Variants in IL1RAPL1 observed in about 807,000 individuals in gnomAD.
IL1RAPL1 encodes the protein interleukin-1 receptor accessory protein-like 1.
A neutral mutation model predicts 48.4 loss-of-function variants in IL1RAPL1; 3 were observed. That is an observed-to-expected ratio of 0.06 (90% CI 0.03 to 0.16). IL1RAPL1 has a LOEUF of 0.16. Ranked by LOEUF, IL1RAPL1 falls within the 10% of genes least tolerant of loss-of-function variation. The pLI is 1.00. For missense variants in IL1RAPL1, 349 were observed against 530.6 expected (o/e 0.66, Z 3.36); for synonymous variants, 185 against 187.7 (o/e 0.99, Z 0.12).
At chrX:28,608,501 A>G (rs935644225) in intron 1 of IL1RAPL1, among the ~76,000 whole-genome samples, 3 of 111,951 alleles carry the variant, frequency 2.7e-5, no homozygotes, top group African/African-American at 9.7e-5. Context: ...TTTCTTTTCT[A>G]TACTGAAGAA....
intron 2 of IL1RAPL1, among the ~76,000 whole-genome samples, chrX:28,896,808 T>C (rs1308664339): frequency 1.8e-5 from 2 of 109,654 alleles, no homozygotes; most frequent in African/African-American, 3.3e-5. Context: ...ACGAGTTGCA[T>C]TGGGAACAAA....
intron 5 of IL1RAPL1, among the ~76,000 whole-genome samples, chrX:29,577,536 C>G (rs546048481): frequency 4.5e-5 from 5 of 111,792 alleles, no homozygotes; most frequent in Admixed American, 9.6e-5. Flanking sequence ...TCTGAGCTTG[C>G]TATCCTGCGG....
chrX:29,449,772 C>G (rs868807950), intron 5 of IL1RAPL1, among the ~76,000 whole-genome samples: 72 of 74,303 alleles, frequency 9.7e-4, no homozygotes, highest in African/African-American at 4.9e-3. Flanking sequence ...CACACACACA[C>G]ACACACACAG....
At chrX:29,483,691 AG>A (rs767698887) in intron 5 of IL1RAPL1, among the ~76,000 whole-genome samples, 3 of 79,834 alleles carry the variant, frequency 3.8e-5, no homozygotes, top group Non-Finnish European at 5.3e-5. Context: ...CAGTAGTAGT[AG>A]TTTTTTTTTT....
chrX:29,350,195 A>T (rs867012056), intron 3 of IL1RAPL1, among the ~76,000 whole-genome samples: 1 of 67,372 alleles, frequency 1.5e-5, no homozygotes. Flanking sequence ...GTTATTTTAT[A>T]TATATATATA....
In IL1RAPL1 at chrX:29,110,685, T is replaced by G. The variant is rs572148988; in HGVS notation, c.83-172253T>G. Among the ~76,000 whole-genome samples the G allele has an allele frequency of 1.1e-4, 12 of 111,969 alleles. No homozygotes were observed. The South Asian group carries it at 4.4e-3, about 41-fold the overall frequency. On this transcript the variant is annotated intron_variant, in intron 2 of 10. Coordinates refer to ENST00000378993, the MANE Select transcript of IL1RAPL1 (RefSeq NM_014271.4). ...TTTCCGGGGGTGATTTAACAAACAG[T>G]TCTAATTTTTTGAGTGCTGCCGAAT... is the stretch of plus-strand genomic sequence containing the variant.
intron 2 of IL1RAPL1, among the ~76,000 whole-genome samples, chrX:28,922,677 C>T (rs1266712364): frequency 9.0e-6 from 1 of 111,520 alleles, no homozygotes; most frequent in South Asian, 3.7e-4. Flanking sequence ...CACTGTCAAG[C>T]GAATCAGTTC....
At chrX:28,843,414 G>C (rs1218388093) in intron 2 of IL1RAPL1, among the ~76,000 whole-genome samples, 1 of 111,601 alleles carries the variant, frequency 9.0e-6, no homozygotes, top group Non-Finnish European at 1.9e-5. Flanking sequence ...GAACGTAAAA[G>C]ATAGGTGAAT....
At chrX:28,599,840 G>A (rs1440543702) in intron 1 of IL1RAPL1, among the ~76,000 whole-genome samples, 2 of 112,039 alleles carry the variant, frequency 1.8e-5, no homozygotes, top group Non-Finnish European at 3.8e-5. Context: ...GAAACTGACT[G>A]CAATGTGGTT....
chrX:29,076,610 TCATTCCATTC>T lies in IL1RAPL1; in HGVS notation c.83-206312_83-206303del, dbSNP rs747422334. Among the ~76,000 whole-genome samples, 1,034 of 111,790 alleles carry T rather than the reference TCATTCCATTC, an allele frequency of 9.2e-3. 8 individuals are homozygous for T. Among genetic ancestry groups the T allele is most frequent in the Non-Finnish European group, 0.013 (715 of 53,082 alleles). On this transcript the variant is annotated intron_variant, in intron 2 of 10. Coordinates refer to ENST00000378993, the MANE Select transcript of IL1RAPL1 (RefSeq NM_014271.4). Reference sequence around the variant, plus strand: ...TATGTTTTCCTGGTGGTCTTTCGATTCATTCCATTCCATTCCATTCCATTCATTCATTCAT... The same window carrying T: ...TATGTTTTCCTGGTGGTCTTTCGATTCATTCCATTCCATTCATTCATTCAT...
At chrX:29,758,292 C>A (rs764414398) in intron 6 of IL1RAPL1, among the ~76,000 whole-genome samples, 1 of 110,853 alleles carries the variant, frequency 9.0e-6, no homozygotes, top group Non-Finnish European at 1.9e-5. Context: ...TTTTGATGAA[C>A]ATATGAGAAT....
Position 29,350,191 on chromosome X carries a change from T to TTATATATGTATA in IL1RAPL1, c.363-46060_363-46059insGTATATATATAT, listed in dbSNP as rs1203248525. On this transcript the variant is annotated intron_variant, in intron 3 of 10. Coordinates refer to ENST00000378993, the MANE Select transcript of IL1RAPL1 (RefSeq NM_014271.4). ...CTCCCTTGGTCTACATACTGTTATT[T>TTATATATGTATA]TATATATATATATATATATATATAT... is the stretch of plus-strand genomic sequence containing the variant. Among the ~76,000 whole-genome samples, 21 of 39,424 alleles carry TTATATATGTATA rather than the reference T, an allele frequency of 5.3e-4. 2 individuals are homozygous for TTATATATGTATA. The highest frequency in any genetic ancestry group is 3.5e-3 in the African/African-American group (20 of 5,752). The allele number at this position is 39,424 out of a possible 115,157, so 34.2% of individuals were successfully genotyped here. A position where few individuals can be genotyped will look rare whatever the true frequency, so the allele number is the denominator to read the frequency against.
At chrX:29,893,874 C>T (rs1022288497) in intron 6 of IL1RAPL1, among the ~76,000 whole-genome samples, 2 of 111,485 alleles carry the variant, frequency 1.8e-5, no homozygotes, top group African/African-American at 6.5e-5. Context: ...CTCATTACTG[C>T]ATCAACATAA....
chrX:28,894,375 C>T (rs1332063380), intron 2 of IL1RAPL1, among the ~76,000 whole-genome samples: 33 of 110,970 alleles, frequency 3.0e-4, no homozygotes, highest in Non-Finnish European at 1.5e-4. Flanking sequence ...ATCAATAAAC[C>T]AAGTGTGTTC....
At chrX:29,838,573 G>C (rs760788972) in intron 6 of IL1RAPL1, among the ~76,000 whole-genome samples, 1 of 111,623 alleles carries the variant, frequency 9.0e-6, no homozygotes, top group Non-Finnish European at 1.9e-5. Flanking sequence ...CATCTTTTTA[G>C]CTATTCTGAT....
At chrX:29,452,478 T>A (rs906821322) in intron 5 of IL1RAPL1, among the ~76,000 whole-genome samples, 5 of 111,791 alleles carry the variant, frequency 4.5e-5, no homozygotes, top group African/African-American at 9.8e-5. Context: ...ATGAGACAAT[T>A]TAGGGAGGGG....
intron 5 of IL1RAPL1, among the ~76,000 whole-genome samples, chrX:29,431,256 C>T (rs138708973): frequency 2.2e-4 from 25 of 112,094 alleles, no homozygotes; most frequent in African/African-American, 7.4e-4. Context: ...CAGTAATTCT[C>T]ATTTCAAAAT....
chrX:29,768,655 A>G (rs1287047948), intron 6 of IL1RAPL1, among the ~76,000 whole-genome samples: 1 of 111,712 alleles, frequency 9.0e-6, no homozygotes, highest in African/African-American at 3.3e-5. Flanking sequence ...TGATGTGTAC[A>G]CTTTAGATTT....
At chrX:29,430,958 T>C (rs979620635) in intron 5 of IL1RAPL1, among the ~76,000 whole-genome samples, 1 of 110,994 alleles carries the variant, frequency 9.0e-6, no homozygotes, top group African/African-American at 3.3e-5. Flanking sequence ...GGGTGCGAAT[T>C]CTAGCAAATT....
Sources: allele counts gnomAD v4.1 joint callset (sites outside exome capture counted in the v4.1 genomes callset), GRCh38; gene constraint gnomAD v4.1.1; transcripts MANE v1.5; gene names NCBI Gene and HGNC (gene_info 2026-07-23, HGNC 2026-07-21).